The following MGAT5 variants were observed in gnomAD, a reference collection of about 807,000 sequenced individuals.
MGAT5 encodes the protein alpha-1,6-mannosylglycoprotein 6-beta-N-acetylglucosaminyltransferase.
A neutral mutation model predicts 94.3 loss-of-function variants in MGAT5; 30 were observed. That is an observed-to-expected ratio of 0.32 (90% confidence interval 0.24 to 0.43). The LOEUF (loss-of-function observed/expected upper bound fraction) is 0.43. MGAT5 is among the 20% of genes least tolerant of loss of function. The pLI, the probability that MGAT5 is intolerant of heterozygous loss-of-function variation, is 1.00. For missense variants in MGAT5, 691 were observed against 905.5 expected (o/e 0.76, Z 3.04); for synonymous variants, 310 against 322.9 (o/e 0.96, Z 0.43).
chr2:134,411,849 CTG>C (rs1683683588), intron 11 of MGAT5, among the ~76,000 whole-genome samples: 2 of 152,236 alleles, frequency 1.3e-5, no homozygotes, highest in Non-Finnish European at 2.9e-5. Flanking sequence ...GGGTGATGCT[CTG>C]TGATGGCAGA....
At chr2:134,223,232 G>A (rs955913279) in intron 1 of MGAT5, among the ~76,000 whole-genome samples, 2 of 152,120 alleles carry the variant, frequency 1.3e-5, no homozygotes, top group African/African-American at 4.8e-5. Flanking sequence ...GATTTGGAGG[G>A]TTTGATCTTG....
chr2:134,195,859 G>A (rs1424639912), intron 1 of MGAT5, among the ~76,000 whole-genome samples: 1 of 152,194 alleles, frequency 6.6e-6, no homozygotes, highest in Non-Finnish European at 1.5e-5. Context: ...TATTCTGTGT[G>A]CTGTGCTGGA....
intron 2 of MGAT5, among the ~76,000 whole-genome samples, chr2:134,309,424 A>G (rs572202893): frequency 6.6e-6 from 1 of 152,280 alleles, no homozygotes; most frequent in East Asian, 1.9e-4. Flanking sequence ...ACTATTTTAT[A>G]TTTCTACTAG....
intron 2 of MGAT5, among the ~76,000 whole-genome samples, chr2:134,313,037 A>AACACACACACACACAC (rs201311442): frequency 7.2e-6 from 1 of 139,192 alleles, no homozygotes; most frequent in African/African-American, 2.8e-5. Context: ...GCAAGAAATA[A>AACACACACACACACAC]ACACACACAC....
intron 10 of MGAT5, among the ~76,000 whole-genome samples, chr2:134,371,674 C>T (rs1680811235): frequency 6.6e-6 from 1 of 152,166 alleles, no homozygotes; most frequent in Non-Finnish European, 1.5e-5. Flanking sequence ...CAGCTCCCTG[C>T]TCTTTGATGA....
At position 134,448,722 on chromosome 2, in the gene MGAT5, C is replaced by T. The variant is rs774599596; in HGVS notation, c.2101C>T (p.His701Tyr). Residue 701 changes from histidine to tyrosine, a missense_variant, in exon 16 of 16, where the codon CAC becomes TAC. This residue lies in a region of MGAT5 where 260 missense variants were observed against 347.0 expected (regional missense o/e 0.75). Coordinates refer to ENST00000281923, the MANE Select transcript of MGAT5 (RefSeq NM_002410.5). ...LVPSFDPKNK[H>Y]CVFQGDLLLF... ...GCCCTCCTTTGACCCTAAGAATAAG[C>T]ACTGTGTGTTTCAAGGTGACCTCCT... 1.2e-6 allele frequency: 2 copies of T among 1,614,086 alleles called. No individual in the cohort carries two copies. Among genetic ancestry groups the T allele is most frequent in the Non-Finnish European group, 1.7e-6 (2 of 1,180,050 alleles).
chr2:134,237,148 T>TGCGCAC (rs1681689477), intron 1 of MGAT5, among the ~76,000 whole-genome samples: 3 of 140,744 alleles, frequency 2.1e-5, no homozygotes, highest in Non-Finnish European at 3.1e-5. Flanking sequence ...TGTGTGTGTG[T>TGCGCAC]GCGCGTGTGT....
chr2:134,437,259 G>T (rs948030379), intron 14 of MGAT5, among the ~76,000 whole-genome samples: 4 of 152,134 alleles, frequency 2.6e-5, no homozygotes, highest in Non-Finnish European at 5.9e-5. Context: ...CAAAGTGCTG[G>T]GATTACAGGC....
rs374169558 is a variant in MGAT5, at chr2:134,361,861, G to A, written c.1247-414G>A. 1.7e-3 allele frequency among the ~76,000 whole-genome samples: 261 copies of A among 152,224 alleles called. 1 individual carries two copies. The highest frequency in any genetic ancestry group is 6.0e-3 in the African/African-American group (248 of 41,528). On this transcript the variant is annotated intron_variant, in intron 9 of 15. Coordinates refer to ENST00000281923, the MANE Select transcript of MGAT5 (RefSeq NM_002410.5). ...AGCTGGAGTCAGATTCAGTTATGTGGGGACTCTGCGCCTATTCAGAACTCC... is the reference window on the plus strand; with the variant it reads ...AGCTGGAGTCAGATTCAGTTATGTGAGGACTCTGCGCCTATTCAGAACTCC...
At chr2:134,260,341 T>G (rs1175817853) in intron 1 of MGAT5, among the ~76,000 whole-genome samples, 2 of 152,200 alleles carry the variant, frequency 1.3e-5, no homozygotes, top group African/African-American at 2.4e-5. Context: ...GGCTTTTGGT[T>G]GCTGGTTGGG....
At chr2:134,192,251 TTTCTC>T (rs1258473969) in intron 1 of MGAT5, among the ~76,000 whole-genome samples, 1 of 152,070 alleles carries the variant, frequency 6.6e-6, no homozygotes, top group African/African-American at 2.4e-5. Context: ...GCTCCCTTCT[TTTCTC>T]TTCCTCCTCC....
chr2:134,248,799 T>G (rs1481536803), intron 1 of MGAT5, among the ~76,000 whole-genome samples: 1 of 152,142 alleles, frequency 6.6e-6, no homozygotes, highest in Non-Finnish European at 1.5e-5. Flanking sequence ...CATTTCTGCC[T>G]TTGTTTATCC....
chr2:134,281,300 G>A (rs1684678249), intron 2 of MGAT5, among the ~76,000 whole-genome samples: 1 of 152,148 alleles, frequency 6.6e-6, no homozygotes, highest in African/African-American at 2.4e-5. Flanking sequence ...GGCAAACACT[G>A]ATGTATCTTT....
intron 1 of MGAT5, among the ~76,000 whole-genome samples, chr2:134,128,210 G>GA (rs60527385): frequency 1.6e-3 from 133 of 82,670 alleles, no homozygotes; most frequent in African/African-American, 2.8e-3. Flanking sequence ...CCTCTACAAA[G>GA]AAAAAAAAAA....
At chr2:134,249,422 C>T (rs930672599), upstream of MGAT5, among the ~76,000 whole-genome samples, 1 of 152,130 alleles carries the variant, frequency 6.6e-6, no homozygotes, top group Non-Finnish European at 1.5e-5. Flanking sequence ...ATTCTCCATA[C>T]CCCAGCCCTA....
chr2:134,300,574 C>T (rs986325000), intron 2 of MGAT5, among the ~76,000 whole-genome samples: 3 of 152,020 alleles, frequency 2.0e-5, no homozygotes, highest in African/African-American at 7.3e-5. Flanking sequence ...AACACTTTAC[C>T]AACAGTTTGT....
At chr2:134,286,478 C>G (rs1419447534) in intron 2 of MGAT5, among the ~76,000 whole-genome samples, 1 of 151,886 alleles carries the variant, frequency 6.6e-6, no homozygotes, top group Non-Finnish European at 1.5e-5. Flanking sequence ...ATTGCCTAGG[C>G]TGGAGTATAG....
At chr2:134,255,968 ATG>A (rs890044081) in intron 1 of MGAT5, among the ~76,000 whole-genome samples, 19 of 148,806 alleles carry the variant, frequency 1.3e-4, no homozygotes, top group Non-Finnish European at 1.2e-4. Context: ...ACGTATGTGT[ATG>A]TGTGTGTGTG....
chr2:134,344,941 A>G lies in MGAT5; in HGVS notation c.989A>G (p.Lys330Arg). The G allele has an allele frequency of 6.2e-7, 1 of 1,613,200 alleles. No homozygotes were observed. The highest frequency in any genetic ancestry group is 1.7e-5 in the Admixed American group (1 of 59,932). ...SLAELKEIMK[K>R]VVGNRSGCPT... is the part of the protein sequence containing the mutation. ...TGCCGTTTCTCTAGAATCATGAAGA[A>G]GGTTGTAGGAAACCGATCTGGCTGC... Residue 330 changes from lysine (K) to arginine (R), a missense_variant, in exon 8 of 16, where the codon AAG becomes AGG. Physicochemically the swap from Lys to Arg is conservative, Grantham distance 26 (BLOSUM62 2). Transcript: ENST00000281923.
Sources: gnomAD v4.1 joint callset for allele counts (sites outside exome capture counted in the v4.1 genomes callset) on GRCh38, gnomAD v4.1.1 for gene constraint, gnomAD v4.1.1 regional missense constraint, MANE v1.5 for transcripts, NCBI Gene and HGNC (gene_info 2026-07-23, HGNC 2026-07-21) for gene names.